Variants in ANO2 observed in about 807,000 individuals in gnomAD.
ANO2 encodes anoctamin-2.
In ANO2, 101 loss-of-function variants were observed where a neutral mutation model predicts 124.2. The observed-to-expected ratio is 0.81, with a 90% CI of 0.69 to 0.96. The LOEUF is 0.96. ANO2 is among the 40% of genes least tolerant of loss of function. ANO2 has a pLI of 0.00. For missense variants in ANO2, 1,293 were observed against 1,274.5 expected, an observed-to-expected ratio of 1.01 and a Z score of -0.22; for synonymous variants, 486 against 482.5, an observed-to-expected ratio of 1.01 and a Z score of -0.09.
intron 7 of ANO2, among the ~76,000 whole-genome samples, chr12:5,826,437 C>CATATAT (rs10526567): frequency 0.012 from 1,660 of 143,490 alleles, 10 homozygotes; most frequent in African/African-American, 0.025. Context: ...TTAATAAACT[C>CATATAT]ATATATATAT....
intron 23 of ANO2, among the ~76,000 whole-genome samples, chr12:5,573,206 A>T (rs971540162): frequency 2.0e-5 from 3 of 152,170 alleles, no homozygotes; most frequent in Admixed American, 1.3e-4. Context: ...ATCTACCTTC[A>T]ACTTCCCATA....
chr12:5,600,918 C>T (rs1943910010), intron 19 of ANO2, among the ~76,000 whole-genome samples: 1 of 152,128 alleles, frequency 6.6e-6, no homozygotes, highest in Non-Finnish European at 1.5e-5. Context: ...TTAGGCATCC[C>T]ATCCTTGTTT....
At chr12:5,913,824 A>G (rs1460137950) in intron 3 of ANO2, among the ~76,000 whole-genome samples, 1 of 152,212 alleles carries the variant, frequency 6.6e-6, no homozygotes, top group Non-Finnish European at 1.5e-5. Flanking sequence ...CTTCCTTAAA[A>G]CCATAGATTA....
chr12:5,776,202 C>T (rs537459281), intron 10 of ANO2, among the ~76,000 whole-genome samples: 2 of 152,348 alleles, frequency 1.3e-5, no homozygotes, highest in East Asian at 3.9e-4. Flanking sequence ...ATCCACAGTA[C>T]TGACTTTGTG....
chr12:5,840,520 G>A (rs568796995), intron 4 of ANO2, among the ~76,000 whole-genome samples: 29 of 152,120 alleles, frequency 1.9e-4, no homozygotes, highest in Non-Finnish European at 3.5e-4. Flanking sequence ...AAACACTGAG[G>A]CACAGAAAGT....
chr12:5,722,835 T>C (rs1950285982), intron 14 of ANO2, among the ~76,000 whole-genome samples: 1 of 152,188 alleles, frequency 6.6e-6, no homozygotes, highest in African/African-American at 2.4e-5. Flanking sequence ...CAAACCAAAC[T>C]GCTAGCTCCG....
At chr12:5,922,589 T>TTGCCC in intron 2 of ANO2, 31 bp downstream of exon 2, 8 of 1,449,798 alleles carry the variant, frequency 5.5e-6, no homozygotes, top group Middle Eastern at 2.5e-4. Context: ...GGCTGGCCTA[T>TTGCCC]CCCCCCACCC....
intron 20 of ANO2, among the ~76,000 whole-genome samples, chr12:5,582,075 A>C (rs1258620266): frequency 6.6e-6 from 1 of 152,252 alleles, no homozygotes; most frequent in Non-Finnish European, 1.5e-5. Flanking sequence ...ATACAATGAT[A>C]CCGGCTTTTG....
At chr12:5,730,996 A>T (rs984987976) in intron 14 of ANO2, among the ~76,000 whole-genome samples, 6 of 152,226 alleles carry the variant, frequency 3.9e-5, no homozygotes, top group African/African-American at 1.4e-4. Flanking sequence ...CCAATCATGC[A>T]TATATACCCA....
At chr12:5,734,579 CTAGGTG>C (rs1950775393) in intron 13 of ANO2, among the ~76,000 whole-genome samples, 1 of 152,158 alleles carries the variant, frequency 6.6e-6, no homozygotes, top group South Asian at 2.1e-4. Context: ...TTGAATCCCT[CTAGGTG>C]TGGCTGTGGC....
At chr12:5,594,104 C>T (rs1199329506) in intron 20 of ANO2, among the ~76,000 whole-genome samples, 4 of 152,092 alleles carry the variant, frequency 2.6e-5, no homozygotes, top group African/African-American at 9.7e-5. Flanking sequence ...GCAAAATAGA[C>T]TAAAGAATTC....
At chr12:5,757,574 G>C (rs1026497748) in intron 10 of ANO2, among the ~76,000 whole-genome samples, 3 of 152,208 alleles carry the variant, frequency 2.0e-5, no homozygotes, top group African/African-American at 4.8e-5. Context: ...ACAGTGAATA[G>C]GATCTATTTA....
chr12:5,840,201 T>A (rs1247151421), intron 4 of ANO2, among the ~76,000 whole-genome samples: 2 of 152,348 alleles, frequency 1.3e-5, no homozygotes, highest in East Asian at 1.9e-4. Flanking sequence ...ACGCCTTTCA[T>A]GTGCTTAAAA....
At position 5,904,450 on chromosome 12, in the gene ANO2, G is replaced by A. The variant is rs540476205; in HGVS notation, c.534+16590C>T. On this transcript the variant is annotated intron_variant, in intron 3 of 24. Coordinates refer to ENST00000682330, the MANE Select transcript of ANO2 (RefSeq NM_001364791.2). The surrounding 1 kb of genome is among the most constrained non-coding windows in gnomAD (Gnocchi z 4.1). Reference sequence around the variant, plus strand: ...TGGAAGGGAAGCCACAGAAGAGGAAGGCTGAGTGTGCCCAGGGCAGACGCC... The same window carrying A: ...TGGAAGGGAAGCCACAGAAGAGGAAAGCTGAGTGTGCCCAGGGCAGACGCC... 2.0e-5 allele frequency among the ~76,000 whole-genome samples: 3 copies of A among 152,230 alleles called. No homozygotes were observed. The South Asian group carries it at 6.2e-4, about 32-fold the overall frequency.
chr12:5,868,030 T>G (rs1955476954), intron 3 of ANO2, among the ~76,000 whole-genome samples: 2 of 152,178 alleles, frequency 1.3e-5, no homozygotes, highest in Non-Finnish European at 2.9e-5. Context: ...AATAATAATT[T>G]AATTGTATAT....
chr12:5,847,487 T>C (rs1291043533), intron 4 of ANO2, among the ~76,000 whole-genome samples: 2 of 150,676 alleles, frequency 1.3e-5, no homozygotes, highest in Non-Finnish European at 1.5e-5. Flanking sequence ...GTCCTGTTGG[T>C]TCTGTTTCTC....
intron 7 of ANO2, among the ~76,000 whole-genome samples, chr12:5,813,061 A>C (rs1313125559): frequency 4.6e-5 from 7 of 150,620 alleles, no homozygotes; most frequent in African/African-American, 1.7e-4. Context: ...AAGAGGAAGG[A>C]AGGAAGACGA....
intron 10 of ANO2, among the ~76,000 whole-genome samples, chr12:5,778,827 T>C (rs1952303965): frequency 1.3e-5 from 2 of 152,214 alleles, no homozygotes; most frequent in Non-Finnish European, 2.9e-5. Flanking sequence ...GTAGGATCAA[T>C]TGTAAATTTA....
chr12:5,596,651 ATTC>A (rs1187534643), intron 20 of ANO2, among the ~76,000 whole-genome samples: 1 of 150,832 alleles, frequency 6.6e-6, no homozygotes, highest in Non-Finnish European at 1.5e-5. Context: ...TTTTTTTTTC[ATTC>A]TTCTCATTTC....
Sources: gnomAD v4.1 joint callset for allele counts (sites outside exome capture counted in the v4.1 genomes callset) on GRCh38, gnomAD v4.1.1 for gene constraint, Gnocchi (gnomAD v3.1) non-coding constraint, MANE v1.5 for transcripts, NCBI Gene and HGNC (gene_info 2026-07-23, HGNC 2026-07-21) for gene names.